TSEN15: variants seen among roughly 807,000 people sequenced by gnomAD.
The protein encoded by TSEN15 is tRNA splicing endonuclease subunit 15.
Under a neutral mutation model 20.5 loss-of-function variants are expected in TSEN15, and 10 were observed. The ratio of observed to expected loss-of-function variants is 0.49; its 90% CI spans 0.30 to 0.83. The LOEUF is 0.83. TSEN15 is among the 40% of genes least tolerant of loss of function. The probability of loss-of-function intolerance (pLI) is 0.06; values close to 1 mark genes in which losing one functional copy is unlikely to be tolerated. For synonymous variants in TSEN15, 72 were observed against 80.1 expected, an observed-to-expected ratio of 0.90 and a Z score of 0.54; for missense variants, 180 against 218.6, an observed-to-expected ratio of 0.82 and a Z score of 1.11.
intron 3 of TSEN15, among the ~76,000 whole-genome samples, chr1:184,067,941 A>AAAAAT (rs1400681024): frequency 6.7e-4 from 64 of 95,558 alleles, no homozygotes; most frequent in African/African-American, 1.7e-3. Context: ...AAAAAAAAAA[A>AAAAAT]ATATATATAT....
intron 3 of TSEN15, chr1:184,095,201 C>G: frequency 2.5e-6 from 1 of 397,780 alleles, no homozygotes. Context: ...TAGTCTCCAC[C>G]TGCCAGTTTC....
chr1:184,062,752 GT>G lies in TSEN15; in HGVS notation c.353+7898del, dbSNP rs374389185. 9.1e-4 allele frequency among the ~76,000 whole-genome samples: 136 copies of G among 149,834 alleles called. 2 individuals are homozygous for G. Among genetic ancestry groups the G allele is most frequent in the Admixed American group, 9.3e-4 (14 of 15,014 alleles). On this transcript the variant is annotated intron_variant, in intron 3 of 4. Transcript: ENST00000645668. The stretch of plus-strand genomic sequence containing the variant: ...ACTACTGGTAGGGTTTTTTTTGTTT[GT>G]TTTTTTTTCCCCCTCATAGACCCAA...
chr1:184,067,966 A>G (rs1290309031), intron 3 of TSEN15, among the ~76,000 whole-genome samples: 1 of 143,060 alleles, frequency 7.0e-6, no homozygotes, highest in Non-Finnish European at 1.5e-5. Flanking sequence ...ATATATATAT[A>G]TATATGTACA....
At chr1:184,074,705 A>C (rs1385373831), downstream of TSEN15, among the ~76,000 whole-genome samples, 1 of 152,214 alleles carries the variant, frequency 6.6e-6, no homozygotes, top group African/African-American at 2.4e-5. Flanking sequence ...GGAAACAACA[A>C]TAACAAGAAT....
intron 3 of TSEN15, among the ~76,000 whole-genome samples, chr1:184,069,644 C>T (rs1335365488): frequency 6.6e-6 from 1 of 151,928 alleles, no homozygotes; most frequent in Non-Finnish European, 1.5e-5. Context: ...TCTTTTGTTA[C>T]TGCTATTATT....
intron 3 of TSEN15, among the ~76,000 whole-genome samples, chr1:184,086,559 A>G (rs1241915731): frequency 6.6e-6 from 1 of 152,182 alleles, no homozygotes; most frequent in East Asian, 1.9e-4. Flanking sequence ...TAGGGCTTCC[A>G]TTATCTGAAG....
At chr1:184,068,330 T>A (rs1366441074) in intron 3 of TSEN15, among the ~76,000 whole-genome samples, 1 of 152,146 alleles carries the variant, frequency 6.6e-6, no homozygotes, top group Admixed American at 6.5e-5. Context: ...ATAATCCTTA[T>A]TACAAATTCA....
chr1:184,061,776 G>GT (rs1480079383), intron 3 of TSEN15, among the ~76,000 whole-genome samples: 1 of 152,110 alleles, frequency 6.6e-6, no homozygotes, highest in Non-Finnish European at 1.5e-5. Context: ...ACAGTTTTTA[G>GT]TGTCTGCTTC....
intron 3 of TSEN15, chr1:184,093,501 T>C (rs1436497754): frequency 6.6e-6 from 1 of 152,232 alleles, no homozygotes; most frequent in East Asian, 1.9e-4. Flanking sequence ...GAGGATTAAA[T>C]GTGATGAATA....
chr1:184,059,335 G>A (rs1453079798), intron 3 of TSEN15, among the ~76,000 whole-genome samples: 2 of 152,090 alleles, frequency 1.3e-5, no homozygotes, highest in African/African-American at 4.8e-5. Context: ...GTCAGAGTAG[G>A]TGTCTAGTAA....
chr1:184,054,189 T>G (rs1459605251), intron 1 of TSEN15, among the ~76,000 whole-genome samples, 165 bp from the exon 2 acceptor site: 2 of 152,232 alleles, frequency 1.3e-5, no homozygotes, highest in Admixed American at 1.3e-4. Flanking sequence ...ATTTAACAAT[T>G]GCAAGTTCTT....
At chr1:184,065,183 TAC>T (rs34263893) in intron 3 of TSEN15, among the ~76,000 whole-genome samples, 27 of 150,034 alleles carry the variant, frequency 1.8e-4, no homozygotes, top group East Asian at 7.8e-4. Flanking sequence ...TTAAAATGTA[TAC>T]ACACACACAC....
At chr1:184,067,944 ATAT>A (rs1557883526) in intron 3 of TSEN15, among the ~76,000 whole-genome samples, 2,018 of 70,008 alleles carry the variant, frequency 0.029, 35 homozygotes, top group South Asian at 0.055. Context: ...AAAAAAAAAT[ATAT>A]ATATATATAT....
chr1:184,089,311 TC>T (rs561105923), intron 3 of TSEN15, among the ~76,000 whole-genome samples: 74 of 152,322 alleles, frequency 4.9e-4, no homozygotes, highest in African/African-American at 1.8e-3. Flanking sequence ...TCAATGCTCT[TC>T]TGGGTTGTGT....
At chr1:184,078,125 A>T (rs948139186), downstream of TSEN15, among the ~76,000 whole-genome samples, 1 of 152,132 alleles carries the variant, frequency 6.6e-6, no homozygotes, top group African/African-American at 2.4e-5. Flanking sequence ...AGACTTTGCC[A>T]CAGCCACCGC....
chr1:184,087,051 T>C (rs1651275077), intron 3 of TSEN15, among the ~76,000 whole-genome samples: 1 of 152,168 alleles, frequency 6.6e-6, no homozygotes, highest in Non-Finnish European at 1.5e-5. Context: ...TGGATTACTG[T>C]AGGAAACTGT....
intron 3 of TSEN15, among the ~76,000 whole-genome samples, chr1:184,080,973 A>G (rs1055225575): frequency 6.6e-6 from 1 of 152,226 alleles, no homozygotes; most frequent in Non-Finnish European, 1.5e-5. Context: ...TGGGTAAGAC[A>G]TCGTGCTAAG....
intron 3 of TSEN15, among the ~76,000 whole-genome samples, chr1:184,083,807 CA>C (rs1240903276): frequency 4.6e-5 from 7 of 152,152 alleles, no homozygotes; most frequent in Admixed American, 1.3e-4. Flanking sequence ...GGAGTTGGTG[CA>C]GATACTATCT....
intron 1 of TSEN15, 38 bp downstream of exon 1, chr1:184,051,928 C>T: frequency 2.7e-6 from 4 of 1,484,140 alleles, no homozygotes; most frequent in Admixed American, 4.4e-5. Context: ...CCGTCCAGGC[C>T]CCTAACCCAG....
Sources: allele counts gnomAD v4.1 joint callset (sites outside exome capture counted in the v4.1 genomes callset), GRCh38; gene constraint gnomAD v4.1.1; transcripts MANE v1.5; gene names NCBI Gene and HGNC (gene_info 2026-07-23, HGNC 2026-07-21).